The following OSBPL1A variants were observed in gnomAD, a reference collection of about 807,000 sequenced individuals.
OSBPL1A encodes oxysterol binding protein like 1A, also known as oxysterol-binding protein-related protein 1.
OSBPL1A carries 80 observed loss-of-function variants against 137.1 expected under a neutral mutation model. The ratio of observed to expected loss-of-function variants is 0.58; its 90% CI spans 0.49 to 0.70. The LOEUF (loss-of-function observed/expected upper bound fraction) is 0.70, where lower values mean the gene tolerates loss of function less well. OSBPL1A is among the 30% of genes least tolerant of loss of function. The pLI is 0.00. For missense variants in OSBPL1A, 970 were observed against 1,129.4 expected (o/e 0.86, Z 2.02); for synonymous variants, 365 against 389.7 (o/e 0.94, Z 0.75).
At chr18:24,170,932 G>C (rs1002434376) in intron 23 of OSBPL1A, among the ~76,000 whole-genome samples, 1 of 111,990 alleles carries the variant, frequency 8.9e-6, no homozygotes, top group Admixed American at 9.1e-5. Context: ...ACAGGCGTGA[G>C]CCACTGTGCT....
intron 1 of OSBPL1A, among the ~76,000 whole-genome samples, chr18:24,389,980 A>G (rs1017943431): frequency 1.3e-5 from 2 of 152,088 alleles, no homozygotes; most frequent in African/African-American, 4.8e-5. Context: ...CTATAGAACC[A>G]AGATAAAAAT....
intron 14 of OSBPL1A, among the ~76,000 whole-genome samples, chr18:24,293,422 C>T (rs2090224956): frequency 6.6e-6 from 1 of 152,134 alleles, no homozygotes; most frequent in Non-Finnish European, 1.5e-5. Flanking sequence ...CGCAGGTCTC[C>T]CGACAGAGCC....
chr18:24,396,146 G>A (rs916440262), intron 1 of OSBPL1A, among the ~76,000 whole-genome samples: 2 of 151,330 alleles, frequency 1.3e-5, no homozygotes, highest in Non-Finnish European at 2.9e-5. Flanking sequence ...TTCAACCCGG[G>A]AGGCAGAGGT....
At chr18:24,378,792 C>G (rs1328671092) in intron 1 of OSBPL1A, among the ~76,000 whole-genome samples, 2 of 152,180 alleles carry the variant, frequency 1.3e-5, no homozygotes, top group African/African-American at 2.4e-5. Flanking sequence ...GCTTTACCCT[C>G]TATGAGACTT....
rs1303597731 is a variant in OSBPL1A at position 24,162,565 on chromosome 18, T to C, written c.*614A>G. The C allele has an allele frequency of 6.6e-6, 1 of 152,262 alleles. No homozygotes were observed. The highest frequency in any genetic ancestry group is 2.4e-5 in the African/African-American group (1 of 41,466). 9.4% of individuals were successfully genotyped at this position (152,262 alleles called of 1,614,324 possible). ...GAGCACTAAGTAAATGAAATACTTT[T>C]CCAGTTTAATTCTTTAGAATTTTCA... On this transcript the variant is annotated 3_prime_UTR_variant, in exon 28 of 28. Coordinates refer to ENST00000319481, the MANE Select transcript of OSBPL1A (RefSeq NM_080597.4).
chr18:24,256,964 CAAAAAA>C (rs201880387), intron 15 of OSBPL1A, among the ~76,000 whole-genome samples: 6 of 29,512 alleles, frequency 2.0e-4, no homozygotes, highest in Admixed American at 1.3e-3. Flanking sequence ...GAAGAGGATG[CAAAAAA>C]AAAAAAAAAA....
intron 15 of OSBPL1A, among the ~76,000 whole-genome samples, chr18:24,251,037 G>A (rs574510336): frequency 6.6e-6 from 1 of 152,192 alleles, no homozygotes; most frequent in African/African-American, 2.4e-5. Context: ...GGAAAGGGGA[G>A]GGAAGAGCGG....
At chr18:24,356,590 C>T (rs1313595580) in intron 4 of OSBPL1A, among the ~76,000 whole-genome samples, 2 of 152,096 alleles carry the variant, frequency 1.3e-5, no homozygotes, top group African/African-American at 4.8e-5. Context: ...CTCCTAGTCC[C>T]TGAATATGAA....
In OSBPL1A at chr18:24,196,252, G is replaced by A. The variant is rs749498765; in HGVS notation, c.1602-52C>T. 1.3e-5 allele frequency: 17 copies of A among 1,301,470 alleles called. No individual in the cohort carries two copies. In the African/African-American group the frequency reaches 1.8e-4, roughly 13 times the overall value. 80.6% of individuals were successfully genotyped at this position (1,301,470 alleles called of 1,614,324 possible). On this transcript the variant is annotated intron_variant, in intron 17 of 27. Coordinates refer to ENST00000319481, the MANE Select transcript of OSBPL1A (RefSeq NM_080597.4). ...GTTCATTCTAATGCCATTGTCAGCA[G>A]GAGGGAAGAACTGCTTTCATTCACA...
chr18:24,344,324 C>G (rs1568040977), intron 4 of OSBPL1A, among the ~76,000 whole-genome samples: 1 of 152,118 alleles, frequency 6.6e-6, no homozygotes, highest in African/African-American at 2.4e-5. Flanking sequence ...GTGGCATATG[C>G]CGGTAGTCCC....
chr18:24,187,130 G>A (rs555574083), intron 18 of OSBPL1A, among the ~76,000 whole-genome samples: 1 of 152,190 alleles, frequency 6.6e-6, no homozygotes, highest in South Asian at 2.1e-4. Flanking sequence ...CCAGAGACAG[G>A]AAATTAAAAG....
chr18:24,387,673 C>T (rs1042800746), intron 1 of OSBPL1A, among the ~76,000 whole-genome samples: 1 of 152,014 alleles, frequency 6.6e-6, no homozygotes, highest in African/African-American at 2.4e-5. Context: ...CTTGGCCTCT[C>T]AAAGCACTGG....
chr18:24,194,473 A>T (rs1230783904), intron 18 of OSBPL1A, among the ~76,000 whole-genome samples: 5 of 152,218 alleles, frequency 3.3e-5, no homozygotes, highest in Non-Finnish European at 4.4e-5. Flanking sequence ...TTTGAAAAAT[A>T]CTGACTCTGC....
chr18:24,304,670 T>A (rs1036493602), intron 13 of OSBPL1A, among the ~76,000 whole-genome samples: 2 of 152,154 alleles, frequency 1.3e-5, no homozygotes, highest in Non-Finnish European at 2.9e-5. Context: ...ACAAAACATT[T>A]TGCACCCCCA....
At chr18:24,165,409 T>C (rs1419479917) in intron 26 of OSBPL1A, among the ~76,000 whole-genome samples, 1 of 152,148 alleles carries the variant, frequency 6.6e-6, no homozygotes, top group Non-Finnish European at 1.5e-5. Flanking sequence ...GAACAACGTG[T>C]TTATTCTTAA....
intron 15 of OSBPL1A, among the ~76,000 whole-genome samples, chr18:24,279,814 C>T (rs377122833): frequency 6.6e-6 from 1 of 152,130 alleles, no homozygotes; most frequent in East Asian, 1.9e-4. Context: ...CAGCATACCA[C>T]TCTTACTCAT....
intron 14 of OSBPL1A, chr18:24,302,846 A>G: frequency 6.6e-6 from 1 of 152,222 alleles, no homozygotes; most frequent in East Asian, 1.9e-4. Flanking sequence ...AGAAGCATAA[A>G]AGGCCAAGGC....
intron 13 of OSBPL1A, among the ~76,000 whole-genome samples, chr18:24,307,225 G>A (rs2090521076): frequency 6.6e-6 from 1 of 152,120 alleles, no homozygotes; most frequent in Non-Finnish European, 1.5e-5. Context: ...CAATGCTGCA[G>A]TGAGCTGTGA....
At chr18:24,373,907 T>G (rs1905874277) in intron 2 of OSBPL1A, among the ~76,000 whole-genome samples, 1 of 152,116 alleles carries the variant, frequency 6.6e-6, no homozygotes, top group Non-Finnish European at 1.5e-5. Context: ...AAAGTCTGAC[T>G]GACAGGTATA....
Sources: gnomAD v4.1 joint callset for allele counts (sites outside exome capture counted in the v4.1 genomes callset) on GRCh38, gnomAD v4.1.1 for gene constraint, MANE v1.5 for transcripts, NCBI Gene and HGNC (gene_info 2026-07-23, HGNC 2026-07-21) for gene names.